Variants in PLCB1 observed in about 807,000 individuals in gnomAD.
The protein encoded by PLCB1 is phospholipase C beta 1.
PLCB1 carries 46 observed loss-of-function variants against 161.8 expected under a neutral mutation model. The observed-to-expected ratio is 0.28, with a 90% CI of 0.22 to 0.36. The LOEUF (loss-of-function observed/expected upper bound fraction) is 0.36. Among genes scored for constraint, PLCB1 ranks in the 10% least tolerant of loss-of-function variants. The pLI is 1.00. For missense variants in PLCB1, 1,016 were observed against 1,472.5 expected (o/e 0.69, Z 5.07); for synonymous variants, 517 against 503.7 (o/e 1.03, Z -0.35).
intron 31 of PLCB1, among the ~76,000 whole-genome samples, chr20:8,837,662 C>T (rs1353672964): frequency 6.6e-6 from 1 of 152,122 alleles, no homozygotes; most frequent in Admixed American, 6.5e-5. Flanking sequence ...GTTTGTCATT[C>T]AAGAATGACT....
intron 2 of PLCB1, 118 bp from the exon 3 acceptor site, chr20:8,371,264 A>G: frequency 3.2e-6 from 2 of 634,034 alleles, no homozygotes; most frequent in Non-Finnish European, 2.8e-6. Flanking sequence ...AAATATCCCA[A>G]CTGCAGAGAA....
intron 21 of PLCB1, among the ~76,000 whole-genome samples, chr20:8,739,604 G>A (rs553859356): frequency 1.8e-4 from 27 of 152,204 alleles, no homozygotes; most frequent in African/African-American, 4.6e-4. Flanking sequence ...ATTTATCTTC[G>A]TGCTCATAGG....
chr20:8,478,166 C>T (rs1164536290), intron 3 of PLCB1, among the ~76,000 whole-genome samples: 2 of 152,118 alleles, frequency 1.3e-5, no homozygotes, highest in Non-Finnish European at 2.9e-5. Flanking sequence ...AGTGAAAGAT[C>T]AAGTATTTGT....
At chr20:8,419,730 C>T (rs180893199) in intron 3 of PLCB1, among the ~76,000 whole-genome samples, 2 of 152,158 alleles carry the variant, frequency 1.3e-5, no homozygotes, top group African/African-American at 4.8e-5. Context: ...AACATAGCCC[C>T]AACATAAGTA....
chr20:8,147,031 C>A (rs184992253), intron 1 of PLCB1, among the ~76,000 whole-genome samples: 1 of 152,250 alleles, frequency 6.6e-6, no homozygotes, highest in Non-Finnish European at 1.5e-5. Flanking sequence ...GGTTTGCCTG[C>A]ATTCTAAGGT....
intron 3 of PLCB1, among the ~76,000 whole-genome samples, chr20:8,586,658 A>ATC (rs1199287550): frequency 1.3e-5 from 2 of 152,232 alleles, no homozygotes; most frequent in Admixed American, 1.3e-4. Flanking sequence ...TAGGAAAAAA[A>ATC]TCTTGGAATG....
chr20:8,436,089 A>C (rs1327756799), intron 3 of PLCB1, among the ~76,000 whole-genome samples: 2 of 152,196 alleles, frequency 1.3e-5, no homozygotes, highest in Non-Finnish European at 2.9e-5. Context: ...CTGTAATCCC[A>C]GCACTTTGGG....
intron 2 of PLCB1, among the ~76,000 whole-genome samples, chr20:8,190,924 C>T (rs568164150): frequency 2.6e-5 from 4 of 152,064 alleles, no homozygotes; most frequent in East Asian, 3.9e-4. Context: ...TCAGCCAGTA[C>T]ATAGTAAGCT....
intron 27 of PLCB1, among the ~76,000 whole-genome samples, chr20:8,786,616 A>G (rs1388867725): frequency 6.6e-6 from 1 of 152,098 alleles, no homozygotes; most frequent in African/African-American, 2.4e-5. Flanking sequence ...GCGTGTTCTT[A>G]TGTAAAACAA....
intron 2 of PLCB1, among the ~76,000 whole-genome samples, chr20:8,276,977 C>CTTATTATTA (rs1384044322): frequency 1.6e-3 from 152 of 95,972 alleles, no homozygotes; most frequent in South Asian, 3.0e-3. Context: ...TCTTCTTCTT[C>CTTATTATTA]TTCTTCTTCT....
chr20:8,844,883 G>T (rs1986633794), intron 31 of PLCB1, among the ~76,000 whole-genome samples: 1 of 152,078 alleles, frequency 6.6e-6, no homozygotes, highest in Non-Finnish European at 1.5e-5. Context: ...GGCCGAGGCG[G>T]GCGGATCACG....
At chr20:8,657,657 A>G (rs957727597) in intron 8 of PLCB1, among the ~76,000 whole-genome samples, 13 of 152,082 alleles carry the variant, frequency 8.5e-5, no homozygotes, top group Non-Finnish European at 1.6e-4. Flanking sequence ...CACATTAGCG[A>G]CATGAGAAGT....
chr20:8,686,793 A>C (rs1052068452), intron 10 of PLCB1, among the ~76,000 whole-genome samples: 28 of 152,084 alleles, frequency 1.8e-4, no homozygotes, highest in Non-Finnish European at 3.2e-4. Context: ...GCACATAGAG[A>C]TCTTCCAGAC....
At chr20:8,868,573 C>G (rs1242988925) in intron 31 of PLCB1, among the ~76,000 whole-genome samples, 1 of 152,182 alleles carries the variant, frequency 6.6e-6, no homozygotes, top group Non-Finnish European at 1.5e-5. Flanking sequence ...ACATAGTGAA[C>G]AGTTGGCCTG....
chr20:8,751,927 TGG>T (rs1981500023), intron 23 of PLCB1: 1 of 152,094 alleles, frequency 6.6e-6, no homozygotes, highest in African/African-American at 2.4e-5. Flanking sequence ...TTCTCTTGAG[TGG>T]GATAAGGAAT....
chr20:8,152,868 T>C (rs1351453679), intron 2 of PLCB1, among the ~76,000 whole-genome samples: 1 of 152,120 alleles, frequency 6.6e-6, no homozygotes, highest in African/African-American at 2.4e-5. Context: ...GCAGAGGGGA[T>C]TTTACAAGTG....
intron 7 of PLCB1, among the ~76,000 whole-genome samples, chr20:8,655,823 G>A (rs779000416): frequency 1.2e-4 from 18 of 152,004 alleles, no homozygotes; most frequent in Middle Eastern, 3.2e-3. Context: ...GTGTCTAACA[G>A]CCAATGAGTA....
chr20:8,166,839 A>G (rs1419551301), intron 2 of PLCB1, among the ~76,000 whole-genome samples: 1 of 152,042 alleles, frequency 6.6e-6, no homozygotes, highest in Non-Finnish European at 1.5e-5. Flanking sequence ...AATTTTTCAC[A>G]ATACTTTTCC....
chr20:8,315,214 G>A (rs956114869), intron 2 of PLCB1, among the ~76,000 whole-genome samples: 20 of 152,176 alleles, frequency 1.3e-4, no homozygotes, highest in Admixed American at 3.3e-4. Flanking sequence ...CTGAACATAT[G>A]TCTGACCGAG....
Sources: allele counts gnomAD v4.1 joint callset (sites outside exome capture counted in the v4.1 genomes callset), GRCh38; gene constraint gnomAD v4.1.1; transcripts MANE v1.5; gene names NCBI Gene and HGNC (gene_info 2026-07-23, HGNC 2026-07-21).